HDHD2: variants seen among roughly 807,000 people sequenced by gnomAD.
HDHD2 encodes haloacid dehalogenase-like hydrolase domain-containing protein 2.
A neutral mutation model predicts 24.8 loss-of-function variants in HDHD2; 26 were observed. The ratio of observed to expected loss-of-function variants is 1.05; its 90% CI spans 0.77 to 1.45. The LOEUF is 1.45. Among genes scored for constraint, HDHD2 ranks in the 40% most tolerant of loss-of-function variants. The pLI, the probability that HDHD2 is intolerant of heterozygous loss-of-function variation, is 0.00. For synonymous variants in HDHD2, 128 were observed against 114.9 expected, an observed-to-expected ratio of 1.11 and a Z score of -0.73; for missense variants, 299 against 313.4, an observed-to-expected ratio of 0.95 and a Z score of 0.35.
intron 6 of HDHD2, among the ~76,000 whole-genome samples, chr18:47,112,607 G>T (rs570553550): frequency 1.3e-5 from 2 of 152,286 alleles, no homozygotes; most frequent in East Asian, 1.9e-4. Context: ...GTTTCCTAAA[G>T]AAATCAGTAT....
Position 47,121,926 on chromosome 18 carries a change from G to T in HDHD2, c.396-6578C>A, listed in dbSNP as rs111714676. On this transcript the variant is annotated intron_variant, in intron 4 of 6. Transcript: ENST00000300605. The stretch of plus-strand genomic sequence containing the variant: ...TCAGCTTAAATGTCAGCAAATCAAA[G>T]AAGTCATTTTTAATCTCTCTTTAAA... 3.7e-3 allele frequency among the ~76,000 whole-genome samples: 569 copies of T among 152,246 alleles called. 6 individuals carry two copies. Among genetic ancestry groups the T allele is most frequent in the African/African-American group, 0.013 (547 of 41,540 alleles).
rs1065170 is a variant in HDHD2, at chr18:47,115,175, C to T, written c.569G>A (p.Arg190Gln). 4.6e-5 allele frequency: 74 copies of T among 1,613,760 alleles called. No individual in the cohort carries two copies. Among genetic ancestry groups the T allele is most frequent in the Non-Finnish European group, 4.7e-5 (55 of 1,179,908 alleles). ...PEKTFFLEALRGTGCEPEEAV... is the reference protein window; with the variant it reads ...PEKTFFLEALQGTGCEPEEAV... ...CTCCTCAGGTTCACAGCCAGTGCCC[C>T]GCAATGCTTCCAAAAAGAACGTCTT... The change falls in exon 5 of 7, where the codon CGG (arginine) becomes CAG (glutamine). Residue 190 changes from arginine (R) to glutamine (Q), a missense_variant. Arg to Gln is a conservative substitution (Grantham distance 43). Coordinates refer to ENST00000300605, the MANE Select transcript of HDHD2 (RefSeq NM_032124.5).
At chr18:47,123,469 T>C (rs2063626503) in intron 4 of HDHD2, among the ~76,000 whole-genome samples, 1 of 152,070 alleles carries the variant, frequency 6.6e-6, no homozygotes. Context: ...ATGCTTGTAC[T>C]CCCAGCTACT....
At chr18:47,119,266 C>T (rs147406828) in intron 4 of HDHD2, among the ~76,000 whole-genome samples, 178 of 152,280 alleles carry the variant, frequency 1.2e-3, no homozygotes, top group Non-Finnish European at 2.1e-3. Flanking sequence ...TGAAAGAATT[C>T]TCTGTAGTAT....
intron 4 of HDHD2, among the ~76,000 whole-genome samples, chr18:47,125,236 C>T (rs1319974035): frequency 3.9e-5 from 6 of 152,044 alleles, no homozygotes; most frequent in Admixed American, 2.0e-4. Context: ...AACAGAATAG[C>T]TACTATTAAA....
intron 6 of HDHD2, 78 bp from the exon 7 acceptor site, chr18:47,108,863 C>G: frequency 1.3e-6 from 1 of 783,646 alleles, no homozygotes; most frequent in Non-Finnish European, 2.2e-6. Context: ...GCACCTGGGT[C>G]ATCACAGCAC....
chr18:47,136,224 T>C (rs1329848978), intron 2 of HDHD2, 115 bp downstream of exon 2: 7 of 1,291,974 alleles, frequency 5.4e-6, no homozygotes, highest in Admixed American at 2.4e-5. Context: ...GCAGTTCCTA[T>C]ATATGGTTAA....
chr18:47,112,056 C>A lies in HDHD2; in HGVS notation c.676+921G>T, dbSNP rs73954235. Among the ~76,000 whole-genome samples, 833 of 152,274 alleles carry A rather than the reference C, an allele frequency of 5.5e-3. 8 individuals carry two copies. The highest frequency in any genetic ancestry group is 0.019 in the African/African-American group (799 of 41,572). On this transcript the variant is annotated intron_variant, in intron 6 of 6. Coordinates refer to ENST00000300605, the MANE Select transcript of HDHD2 (RefSeq NM_032124.5). ...GGACAAGATTTCTGGCTGTCATGTG[C>A]TGTTAATTCCAAATGCAGCAGGTGC...
At chr18:47,123,898 T>G (rs368053216) in intron 4 of HDHD2, among the ~76,000 whole-genome samples, 2 of 152,138 alleles carry the variant, frequency 1.3e-5, no homozygotes, top group African/African-American at 4.8e-5. Context: ...CCAAAGGAGG[T>G]AGAATAGCCA....
chr18:47,136,363 G>A lies in HDHD2; in HGVS notation c.77C>T (p.Pro26Leu), dbSNP rs755358634. The A allele has an allele frequency of 1.2e-6, 2 of 1,613,160 alleles. No homozygotes were observed. Among genetic ancestry groups the A allele is most frequent in the African/African-American group, 2.7e-5 (2 of 74,930 alleles). The part of the protein sequence containing the change: ...GTLHIEDAAV[P>L]GAQEALKRLR... Reference sequence around the variant, plus strand: ...CCTTTTAAGAGCTTCCTGTGCGCCTGGCACAGCTGCATCTTCAATGTGAAG... The same window carrying A: ...CCTTTTAAGAGCTTCCTGTGCGCCTAGCACAGCTGCATCTTCAATGTGAAG... The change falls in exon 2 of 7, where the codon CCA becomes CTA. Residue 26 changes from proline to leucine, a missense_variant. Pro to Leu is a moderately conservative substitution (Grantham distance 98). Transcript: ENST00000300605.
chr18:47,112,882 C>T, intron 6 of HDHD2, 95 bp downstream of exon 6: 1 of 1,026,076 alleles, frequency 9.7e-7, no homozygotes, highest in Non-Finnish European at 1.5e-6. Flanking sequence ...AATAAAAGTG[C>T]CCAGGGCTCT....
chr18:47,147,238 G>A (rs1291595896), intron 1 of HDHD2, among the ~76,000 whole-genome samples: 5 of 152,158 alleles, frequency 3.3e-5, no homozygotes, highest in Non-Finnish European at 5.9e-5. Flanking sequence ...GAAGACTGCA[G>A]AGGTTAAAAA....
At chr18:47,126,233 A>G (rs1029973851) in intron 4 of HDHD2, among the ~76,000 whole-genome samples, 1 of 152,202 alleles carries the variant, frequency 6.6e-6, no homozygotes, top group Admixed American at 6.5e-5. Context: ...CTGCTGCTAC[A>G]CTGTTCTGGG....
At chr18:47,116,666 T>C (rs2144292631) in intron 4 of HDHD2, among the ~76,000 whole-genome samples, 1 of 152,348 alleles carries the variant, frequency 6.6e-6, no homozygotes, top group East Asian at 1.9e-4. Flanking sequence ...AGCCATTCTG[T>C]TGGCTTTAAA....
intron 1 of HDHD2, chr18:47,150,171 A>C (rs1243992603): frequency 6.6e-6 from 1 of 152,320 alleles, no homozygotes; most frequent in Non-Finnish European, 1.5e-5. Flanking sequence ...CCTCGCGCCC[A>C]GCTATGCGCA....
chr18:47,140,274 A>G (rs575710658), intron 1 of HDHD2, among the ~76,000 whole-genome samples: 3 of 152,332 alleles, frequency 2.0e-5, no homozygotes, highest in Non-Finnish European at 2.9e-5. Context: ...CTACAGAGCA[A>G]TATCAGGACA....
In HDHD2 at chr18:47,139,355, C is replaced by T. The variant is rs1599958225; in HGVS notation, c.-10-2906G>A. Among the ~76,000 whole-genome samples, 3 of 149,294 alleles carry T rather than the reference C, an allele frequency of 2.0e-5. No individual in the cohort carries two copies. The South Asian group carries it at 6.4e-4, about 32-fold the overall frequency. On this transcript the variant is annotated intron_variant, in intron 1 of 6. Coordinates refer to ENST00000300605, the MANE Select transcript of HDHD2 (RefSeq NM_032124.5). ...GTGGCGGCGCGTGTAGTCCCAGCTACTCAGGAGGCTGAGGCAGGAGAATGG... is the reference window on the plus strand; with the variant it reads ...GTGGCGGCGCGTGTAGTCCCAGCTATTCAGGAGGCTGAGGCAGGAGAATGG...
chr18:47,142,901 CCTT>C (rs2063832583), intron 1 of HDHD2, among the ~76,000 whole-genome samples: 1 of 152,058 alleles, frequency 6.6e-6, no homozygotes, highest in South Asian at 2.1e-4. Context: ...ACTAAATTTG[CCTT>C]CTAACTTTTT....
At chr18:47,124,570 G>A (rs1032915073) in intron 4 of HDHD2, among the ~76,000 whole-genome samples, 4 of 151,918 alleles carry the variant, frequency 2.6e-5, no homozygotes, top group Non-Finnish European at 4.4e-5. Flanking sequence ...GCCAGGCGTG[G>A]TGGTGCATGG....
Sources: gnomAD v4.1 joint callset for allele counts (sites outside exome capture counted in the v4.1 genomes callset) on GRCh38, gnomAD v4.1.1 for gene constraint, MANE v1.5 for transcripts, NCBI Gene and HGNC (gene_info 2026-07-23, HGNC 2026-07-21) for gene names.